Variants in AKAP13 observed in about 807,000 individuals in gnomAD.
AKAP13 encodes the protein A-kinase anchoring protein 13, also known as A-kinase anchor protein 13.
Under a neutral mutation model 264.5 loss-of-function variants are expected in AKAP13, and 80 were observed. The ratio of observed to expected loss-of-function variants is 0.30; its 90% CI spans 0.25 to 0.36. The LOEUF is 0.36. AKAP13 is among the 10% of genes least tolerant of loss of function. The pLI is 1.00. For synonymous variants in AKAP13, 1,380 were observed against 1,250.2 expected (o/e 1.10, Z -2.19); for missense variants, 3,712 against 3,435.2 (o/e 1.08, Z -2.01).
chr15:85,730,997 CTTTTTTTT>C (rs71468134), intron 30 of AKAP13, among the ~76,000 whole-genome samples: 4 of 57,380 alleles, frequency 7.0e-5, no homozygotes, highest in Non-Finnish European at 1.2e-4. Flanking sequence ...GTCACTTATG[CTTTTTTTT>C]TTTTTTTTTT....
At chr15:85,479,038 A>G (rs1248432495) in intron 1 of AKAP13, among the ~76,000 whole-genome samples, 5 of 152,230 alleles carry the variant, frequency 3.3e-5, no homozygotes, top group Non-Finnish European at 7.3e-5. Flanking sequence ...AGCTGCAAAC[A>G]AAAGTAAAGC....
At chr15:85,625,357 G>A (rs1476185326) in intron 8 of AKAP13, among the ~76,000 whole-genome samples, 5 of 151,920 alleles carry the variant, frequency 3.3e-5, no homozygotes, top group Non-Finnish European at 5.9e-5. Context: ...TTCCTATCCC[G>A]TCTCCTAATT....
chr15:85,502,893 A>G (rs2076073487), intron 2 of AKAP13, among the ~76,000 whole-genome samples: 1 of 152,216 alleles, frequency 6.6e-6, no homozygotes, highest in Admixed American at 6.5e-5. Context: ...CCTATTATTA[A>G]GTAAAACCAA....
intron 1 of AKAP13, among the ~76,000 whole-genome samples, chr15:85,403,458 T>C (rs1434893966): frequency 6.6e-6 from 1 of 152,152 alleles, no homozygotes; most frequent in Non-Finnish European, 1.5e-5. Flanking sequence ...ATGTGGAATA[T>C]CACATTTCCC....
At chr15:85,513,655 T>A (rs117460534) in intron 2 of AKAP13, among the ~76,000 whole-genome samples, 2,171 of 152,332 alleles carry the variant, frequency 0.014, 24 homozygotes, top group Non-Finnish European at 0.023. Flanking sequence ...TCAGTATGTA[T>A]TTCCTAAAAT....
intron 27 of AKAP13, 113 bp downstream of exon 27, chr15:85,726,599 C>A (rs2087628709): frequency 1.1e-6 from 1 of 873,882 alleles, no homozygotes; most frequent in Non-Finnish European, 1.7e-6. Flanking sequence ...TGGCTCAGGA[C>A]AAATTCCTCT....
At chr15:85,628,959 G>A (rs529702972) in intron 8 of AKAP13, among the ~76,000 whole-genome samples, 4 of 152,244 alleles carry the variant, frequency 2.6e-5, no homozygotes, top group East Asian at 3.9e-4. Flanking sequence ...TTGGGAAGCC[G>A]AGGTGGGAGG....
At position 85,633,148 on chromosome 15, in the gene AKAP13, G is replaced by C. The variant is rs535992973; in HGVS notation, c.4162-6226G>C. 3.9e-5 allele frequency among the ~76,000 whole-genome samples: 6 copies of C among 152,330 alleles called. 1 individual carries two copies. Among genetic ancestry groups the C allele is most frequent in the Admixed American group, 3.9e-4 (6 of 15,302 alleles). On this transcript the variant is annotated intron_variant, in intron 8 of 36. Coordinates refer to ENST00000394518, the MANE Select transcript of AKAP13 (RefSeq NM_007200.5). ...CCCAAAGTGCTGGGATTACAGGCAT[G>C]TGCCACCGCGCCCGGCAGAAATAGA...
At position 85,693,214 on chromosome 15, in the gene AKAP13, C is replaced by G. The variant is rs1164199170; in HGVS notation, c.5290-63C>G. The G allele has an allele frequency of 2.1e-6, 3 of 1,455,382 alleles. No homozygotes were observed. The African/African-American group carries it at 4.4e-5, about 21-fold the overall frequency. 90.2% of individuals were successfully genotyped at this position (1,455,382 alleles called of 1,614,324 possible). On this transcript the variant is annotated intron_variant, in intron 16 of 36. Coordinates refer to ENST00000394518, the MANE Select transcript of AKAP13 (RefSeq NM_007200.5). ...TGTTAACCACATGCCATCTGGGTGC[C>G]CAGGTAAGGAGAAAGCCCTCCAGTG...
chr15:85,466,745 A>C (rs1441483228), intron 1 of AKAP13, among the ~76,000 whole-genome samples: 1 of 152,216 alleles, frequency 6.6e-6, no homozygotes, highest in African/African-American at 2.4e-5. Context: ...GATGACTTGA[A>C]TAAAACCTTT....
At chr15:85,715,035 A>G (rs1294787021) in intron 19 of AKAP13, among the ~76,000 whole-genome samples, 1 of 152,094 alleles carries the variant, frequency 6.6e-6, no homozygotes, top group Non-Finnish European at 1.5e-5. Context: ...CTCCCACAGG[A>G]TTCTTTATCC....
intron 5 of AKAP13, among the ~76,000 whole-genome samples, chr15:85,546,469 T>C (rs1039199436): frequency 6.6e-6 from 1 of 151,924 alleles, no homozygotes; most frequent in Non-Finnish European, 1.5e-5. Context: ...CTTTAACAGA[T>C]GAAACTGAGA....
chr15:85,388,456 C>G (rs2070695909), intron 1 of AKAP13, among the ~76,000 whole-genome samples: 1 of 152,132 alleles, frequency 6.6e-6, no homozygotes. Context: ...GGGGAAAACA[C>G]TGAGTGTTTG....
chr15:85,522,104 C>T (rs547342529), intron 3 of AKAP13, among the ~76,000 whole-genome samples: 1 of 152,240 alleles, frequency 6.6e-6, no homozygotes. Context: ...GGTCTGCTCT[C>T]TAGCAGGTAC....
intron 8 of AKAP13, among the ~76,000 whole-genome samples, chr15:85,604,974 A>G (rs141110511): frequency 4.6e-5 from 7 of 152,330 alleles, no homozygotes; most frequent in Non-Finnish European, 1.0e-4. Context: ...TTAATAATCT[A>G]TAGATGGCTA....
intron 17 of AKAP13, among the ~76,000 whole-genome samples, chr15:85,696,816 G>A (rs959730905): frequency 1.3e-5 from 2 of 152,164 alleles, no homozygotes; most frequent in Non-Finnish European, 2.9e-5. Flanking sequence ...CAAGATATGC[G>A]GCCTCAGGGT....
chr15:85,641,187 C>T (rs906136333), intron 9 of AKAP13, among the ~76,000 whole-genome samples: 29 of 152,106 alleles, frequency 1.9e-4, no homozygotes, highest in Non-Finnish European at 1.0e-4. Flanking sequence ...TGGCTCACGC[C>T]TGTAATCCCA....
chr15:85,540,420 T>C (rs1050692332), intron 4 of AKAP13, among the ~76,000 whole-genome samples: 1 of 152,206 alleles, frequency 6.6e-6, no homozygotes, highest in Non-Finnish European at 1.5e-5. Context: ...GCTATTATTA[T>C]GACGACAAGG....
At position 85,515,700 on chromosome 15, in the gene AKAP13, T is replaced by C. The variant is rs913382708; in HGVS notation, c.34-5728T>C. Among the ~76,000 whole-genome samples, 6 of 138,596 alleles carry C rather than the reference T, an allele frequency of 4.3e-5. 1 individual carries two copies. The highest frequency in any genetic ancestry group is 1.7e-4 in the African/African-American group (6 of 34,534). The allele number at this position is 138,596 out of a possible 152,430, so 90.9% of individuals were successfully genotyped here. ...GACCATTTTTTTACATAGATGCCCC[T>C]TCAATTCAAGTTTGTCTGATGTTTT... On this transcript the variant is annotated intron_variant, in intron 2 of 36. Transcript: ENST00000394518.
Sources: gnomAD v4.1 joint callset for allele counts (sites outside exome capture counted in the v4.1 genomes callset) on GRCh38, gnomAD v4.1.1 for gene constraint, MANE v1.5 for transcripts, NCBI Gene and HGNC (gene_info 2026-07-23, HGNC 2026-07-21) for gene names.